Variants in TTLL7 observed in about 807,000 individuals in gnomAD.
TTLL7 encodes the protein tubulin polyglutamylase TTLL7.
In TTLL7, 53 loss-of-function variants were observed where a neutral mutation model predicts 120.2. That is an observed-to-expected ratio of 0.44 (90% CI 0.35 to 0.55). TTLL7 has a LOEUF of 0.55. Ranked by LOEUF, TTLL7 falls within the 20% of genes least tolerant of loss-of-function variation. The probability of loss-of-function intolerance (pLI) is 0.00; values close to 1 mark genes in which losing one functional copy is unlikely to be tolerated. For synonymous variants in TTLL7, 353 were observed against 351.7 expected, an observed-to-expected ratio of 1.00 and a Z score of -0.04; for missense variants, 803 against 1,054.7, an observed-to-expected ratio of 0.76 and a Z score of 3.31.
At chr1:83,963,928 T>G (rs1011250829) in intron 1 of TTLL7, among the ~76,000 whole-genome samples, 1 of 152,096 alleles carries the variant, frequency 6.6e-6, no homozygotes, top group African/African-American at 2.4e-5. Context: ...AAAATCCATA[T>G]GGAAAAAAGC....
intron 13 of TTLL7, among the ~76,000 whole-genome samples, chr1:83,919,019 C>T (rs1658420042): frequency 1.3e-5 from 2 of 151,938 alleles, no homozygotes; most frequent in South Asian, 4.2e-4. Context: ...CCAGCCAGCT[C>T]CCAGATGTTT....
intron 1 of TTLL7, among the ~76,000 whole-genome samples, chr1:83,960,098 G>T (rs1172942966): frequency 6.6e-5 from 10 of 152,054 alleles, no homozygotes. Flanking sequence ...AATTATCATG[G>T]TTTAGGCATT....
chr1:83,892,186 C>T (rs1655538275), intron 18 of TTLL7, among the ~76,000 whole-genome samples: 1 of 147,250 alleles, frequency 6.8e-6, no homozygotes, highest in Non-Finnish European at 1.5e-5. Flanking sequence ...ATGGGGAATA[C>T]ACATAAACAT....
At position 83,937,859 on chromosome 1, in the gene TTLL7, T is replaced by A. The variant is rs1456965095; in HGVS notation, c.881A>T (p.Asp294Val). ...GGAATGGCATAATCTTACTGAAATA[T>A]CACTCCAAAACTTAGCAACATCATG... ...NQHDVAKFWSDISELVVKTLI... is the reference protein window; with the variant it reads ...NQHDVAKFWSVISELVVKTLI... The change falls in exon 8 of 21, where the codon GAT becomes GTT. Residue 294 changes from aspartate to valine, a missense_variant. Coordinates refer to ENST00000260505, the MANE Select transcript of TTLL7 (RefSeq NM_024686.6). The A allele has an allele frequency of 6.2e-7, 1 of 1,613,948 alleles. No homozygotes were observed. The highest frequency in any genetic ancestry group is 2.2e-5 in the East Asian group (1 of 44,858).
intron 20 of TTLL7, among the ~76,000 whole-genome samples, chr1:83,876,939 G>T (rs1653981515): frequency 6.6e-6 from 1 of 152,022 alleles, no homozygotes; most frequent in East Asian, 1.9e-4. Context: ...ATACAATGCT[G>T]GATAGAAGTG....
At chr1:83,930,051 T>C (rs186453546) in intron 9 of TTLL7, among the ~76,000 whole-genome samples, 1 of 152,266 alleles carries the variant, frequency 6.6e-6, no homozygotes, top group East Asian at 1.9e-4. Context: ...TACCCAGGAA[T>C]ACAACATCTT....
chr1:83,935,391 T>C (rs964864985), intron 8 of TTLL7, among the ~76,000 whole-genome samples: 1 of 152,114 alleles, frequency 6.6e-6, no homozygotes, highest in Non-Finnish European at 1.5e-5. Context: ...AAAGGCAAGT[T>C]TTCAGTAGAT....
chr1:83,897,943 T>C (rs1656394968), intron 18 of TTLL7, among the ~76,000 whole-genome samples: 1 of 151,264 alleles, frequency 6.6e-6, no homozygotes, highest in Admixed American at 6.6e-5. Context: ...CTGGTAAAGC[T>C]TTCAATGATT....
intron 20 of TTLL7, among the ~76,000 whole-genome samples, chr1:83,874,515 G>C (rs929168172): frequency 6.6e-6 from 1 of 151,916 alleles, no homozygotes; most frequent in African/African-American, 2.4e-5. Flanking sequence ...TGGTTCATAT[G>C]GTAATTCTAT....
intron 7 of TTLL7, among the ~76,000 whole-genome samples, chr1:83,938,426 G>C (rs1647618776): frequency 1.3e-5 from 2 of 152,132 alleles, no homozygotes; most frequent in Non-Finnish European, 2.9e-5. Context: ...TTTTCTGAGA[G>C]AGCATTCTAT....
At chr1:83,911,448 CT>C (rs1390597863) in intron 14 of TTLL7, 85 bp from the exon 15 acceptor site, 9 of 1,081,288 alleles carry the variant, frequency 8.3e-6, no homozygotes, top group Middle Eastern at 2.9e-4. Flanking sequence ...TAATTTCCCC[CT>C]ATGCTTGCTG....
intron 20 of TTLL7, among the ~76,000 whole-genome samples, chr1:83,876,655 C>T (rs1653954125): frequency 6.6e-6 from 1 of 151,672 alleles, no homozygotes; most frequent in African/African-American, 2.4e-5. Context: ...GACATTTATT[C>T]CTAAGTATTA....
chr1:83,990,514 G>T (rs1557820586), intron 1 of TTLL7, among the ~76,000 whole-genome samples: 1 of 152,174 alleles, frequency 6.6e-6, no homozygotes, highest in African/African-American at 2.4e-5. Flanking sequence ...GATTGCTCTG[G>T]CTAGGACTTC....
intron 8 of TTLL7, 30 bp downstream of exon 8, chr1:83,937,822 T>C (rs776755984): frequency 6.2e-7 from 1 of 1,610,184 alleles, no homozygotes; most frequent in Non-Finnish European, 8.5e-7. Flanking sequence ...GAGGAAAGAC[T>C]GTTATAATTG....
chr1:83,988,948 T>A (rs1480621394), intron 1 of TTLL7, among the ~76,000 whole-genome samples: 2 of 152,202 alleles, frequency 1.3e-5, no homozygotes, highest in African/African-American at 2.4e-5. Flanking sequence ...GACTTTGTGA[T>A]CCGCCCTCCT....
At chr1:83,977,588 C>T (rs1651608929) in intron 1 of TTLL7, among the ~76,000 whole-genome samples, 1 of 152,106 alleles carries the variant, frequency 6.6e-6, no homozygotes, top group African/African-American at 2.4e-5. Context: ...GCAGACATCT[C>T]TAATTCATCT....
intron 1 of TTLL7, among the ~76,000 whole-genome samples, chr1:83,960,568 T>C (rs1396002828): frequency 1.3e-5 from 2 of 152,026 alleles, no homozygotes; most frequent in Non-Finnish European, 2.9e-5. Context: ...AAGAGCCAGT[T>C]TGAGGGGTGA....
chr1:83,884,395 T>C (rs1349147890), intron 19 of TTLL7, among the ~76,000 whole-genome samples: 1 of 141,818 alleles, frequency 7.1e-6, no homozygotes, highest in Admixed American at 7.1e-5. Flanking sequence ...ATATTTGATA[T>C]ATTTTGAATT....
intron 17 of TTLL7, among the ~76,000 whole-genome samples, chr1:83,904,925 T>C (rs1657053873): frequency 6.6e-6 from 1 of 152,036 alleles, no homozygotes; most frequent in African/African-American, 2.4e-5. Context: ...ATAAACAATT[T>C]GATGTCTGCT....
Sources: gnomAD v4.1 joint callset for allele counts (sites outside exome capture counted in the v4.1 genomes callset) on GRCh38, gnomAD v4.1.1 for gene constraint, MANE v1.5 for transcripts, NCBI Gene and HGNC (gene_info 2026-07-23, HGNC 2026-07-21) for gene names.